Variants in KCTD16 observed in about 807,000 individuals in gnomAD.
KCTD16 encodes the protein BTB/POZ domain-containing protein KCTD16.
Under a neutral mutation model 33.2 loss-of-function variants are expected in KCTD16, and 13 were observed. The observed-to-expected ratio is 0.39, with a 90% confidence interval of 0.25 to 0.62. The LOEUF (loss-of-function observed/expected upper bound fraction) is 0.62. Ranked by LOEUF, KCTD16 falls within the 20% of genes least tolerant of loss-of-function variation. The pLI is 0.50. For missense variants in KCTD16, 441 were observed against 525.1 expected (o/e 0.84, Z 1.57); for synonymous variants, 197 against 195.3 (o/e 1.01, Z -0.07).
chr5:144,414,691 TC>T (rs1753007049), intron 3 of KCTD16, among the ~76,000 whole-genome samples: 1 of 152,246 alleles, frequency 6.6e-6, no homozygotes, highest in Admixed American at 6.5e-5. Context: ...TAGATATTTG[TC>T]ATTTTTGCTG....
At chr5:144,224,652 C>G (rs1753873872) in intron 3 of KCTD16, among the ~76,000 whole-genome samples, 1 of 152,104 alleles carries the variant, frequency 6.6e-6, no homozygotes, top group Non-Finnish European at 1.5e-5. Context: ...AACAAGTTTT[C>G]TTCCAAACAA....
rs573633372 is a variant in KCTD16, at chr5:144,187,170, AT to A, written c.-327+12707del. On this transcript the variant is annotated intron_variant, in intron 2 of 3. Coordinates refer to ENST00000512467, the MANE Select transcript of KCTD16 (RefSeq NM_020768.4). The stretch of plus-strand genomic sequence containing the variant: ...CAAATCTCATTTATTTCTTAGACTC[AT>A]TTTTTTTTCCAGATTATTAGCTACA... Among the ~76,000 whole-genome samples the A allele has an allele frequency of 7.4e-3, 1,128 of 151,558 alleles. 15 individuals are homozygous for A. The highest frequency in any genetic ancestry group is 0.022 in the African/African-American group (909 of 41,348).
At chr5:144,217,501 T>C (rs1238544980) in intron 3 of KCTD16, among the ~76,000 whole-genome samples, 2 of 152,200 alleles carry the variant, frequency 1.3e-5, no homozygotes, top group Admixed American at 1.3e-4. Flanking sequence ...GACAGAGGGG[T>C]AATAACGGAT....
chr5:144,207,442 G>A lies in KCTD16; in HGVS notation c.728G>A (p.Cys243Tyr). 6.2e-7 allele frequency: 1 copy of A among 1,614,228 alleles called. No homozygotes were observed. The highest frequency in any genetic ancestry group is 1.1e-5 in the South Asian group (1 of 91,084). ...AGGGCTTTTGATATGTTGTCAGAGT[G>A]TGGATTCCACATGGTGGCCTGTAAC... is the stretch of plus-strand genomic sequence containing the variant. ...LERAFDMLSE[C>Y]GFHMVACNSS... Residue 243 changes from cysteine (C) to tyrosine (Y), a missense_variant, in exon 3 of 4, where the codon TGT (cysteine) becomes TAT (tyrosine). Cys to Tyr is a radical substitution (Grantham distance 194). Transcript: ENST00000512467.
intron 3 of KCTD16, among the ~76,000 whole-genome samples, chr5:144,311,161 C>T (rs1479499314): frequency 6.6e-6 from 1 of 152,184 alleles, no homozygotes; most frequent in East Asian, 1.9e-4. Context: ...CCCTCTGAGA[C>T]TCAATTGTCC....
chr5:144,451,588 A>G (rs755834935), intron 3 of KCTD16, among the ~76,000 whole-genome samples: 10 of 152,206 alleles, frequency 6.6e-5, no homozygotes, highest in Non-Finnish European at 8.8e-5. Flanking sequence ...GAATTGTGAA[A>G]TAGAACGCAG....
chr5:144,299,167 A>G, intron 3 of KCTD16, among the ~76,000 whole-genome samples: 1 of 71,452 alleles, frequency 1.4e-5, no homozygotes, highest in Non-Finnish European at 2.8e-5. Context: ...TTTTTTTTTA[A>G]CCTGTCACTG....
intron 2 of KCTD16, chr5:144,205,402 A>AC (rs1753138361): frequency 2.5e-6 from 1 of 397,744 alleles, no homozygotes; most frequent in Non-Finnish European, 4.4e-6. Context: ...TCCGAACTGC[A>AC]CTGGGAACTG....
At chr5:144,451,460 T>G (rs1382711882) in intron 3 of KCTD16, among the ~76,000 whole-genome samples, 2 of 152,126 alleles carry the variant, frequency 1.3e-5, no homozygotes, top group Non-Finnish European at 2.9e-5. Flanking sequence ...CAAGACAGAA[T>G]GGCTAAGAAG....
rs750919219 is a variant in KCTD16 at position 144,206,794 on chromosome 5, T to C, written c.80T>C (p.Val27Ala). 1 of 1,614,096 alleles carries C rather than the reference T, an allele frequency of 6.2e-7. No homozygotes were observed. Among genetic ancestry groups the C allele is most frequent in the Admixed American group, 1.7e-5 (1 of 60,024 alleles). The change falls in exon 3 of 4, where the codon GTA becomes GCA. Residue 27 changes from valine (V) to alanine (A), a missense_variant. By Grantham distance (64) the Val-to-Ala change is moderately conservative (BLOSUM62 0). Coordinates refer to ENST00000512467, the MANE Select transcript of KCTD16 (RefSeq NM_020768.4). ...SAVPNSFPEV[V>A]ELNVGGQVYF... is the part of the protein sequence containing the mutation. ...GTTCCCAACTCCTTCCCTGAGGTGG[T>C]AGAGCTGAATGTCGGGGGTCAAGTT...
chr5:144,423,779 A>G (rs1753262245), intron 3 of KCTD16, among the ~76,000 whole-genome samples: 1 of 152,154 alleles, frequency 6.6e-6, no homozygotes, highest in Admixed American at 6.6e-5. Context: ...AGATTGGATG[A>G]GGAGGTAAGA....
chr5:144,290,150 C>G (rs1375594737), intron 3 of KCTD16, among the ~76,000 whole-genome samples: 1 of 151,934 alleles, frequency 6.6e-6, no homozygotes, highest in Admixed American at 6.6e-5. Context: ...CAAAAATTAT[C>G]CAGGCAAGGA....
intron 3 of KCTD16, among the ~76,000 whole-genome samples, chr5:144,243,416 T>C (rs560127864): frequency 6.6e-6 from 1 of 152,324 alleles, no homozygotes; most frequent in South Asian, 2.1e-4. Context: ...AATTCTATTA[T>C]CTCTTTGTAT....
intron 3 of KCTD16, among the ~76,000 whole-genome samples, chr5:144,408,177 G>A (rs1324565308): frequency 5.9e-5 from 9 of 152,198 alleles, no homozygotes; most frequent in African/African-American, 2.2e-4. Context: ...ACGTTATTAA[G>A]ATCTCAATTA....
intron 3 of KCTD16, among the ~76,000 whole-genome samples, chr5:144,215,548 T>C (rs1753538481): frequency 6.6e-6 from 1 of 152,224 alleles, no homozygotes; most frequent in Non-Finnish European, 1.5e-5. Context: ...GAATCTCAAC[T>C]TTGCTACCAC....
chr5:144,415,849 A>G (rs1249749009), intron 3 of KCTD16, among the ~76,000 whole-genome samples: 1 of 152,226 alleles, frequency 6.6e-6, no homozygotes, highest in Admixed American at 6.5e-5. Flanking sequence ...GAAGCTGCTA[A>G]TTCCATGATA....
At chr5:144,251,112 G>T (rs932043759) in intron 3 of KCTD16, among the ~76,000 whole-genome samples, 7 of 152,316 alleles carry the variant, frequency 4.6e-5, no homozygotes, top group Non-Finnish European at 8.8e-5. Context: ...TGGGATCTGT[G>T]TAGAGAAGTC....
chr5:144,337,948 T>TA (rs1021417260), intron 3 of KCTD16, among the ~76,000 whole-genome samples: 2 of 152,134 alleles, frequency 1.3e-5, no homozygotes, highest in African/African-American at 4.8e-5. Context: ...TGTGAATATT[T>TA]AAAAAATTGA....
chr5:144,268,389 T>G (rs1755205146), intron 3 of KCTD16, among the ~76,000 whole-genome samples: 1 of 152,188 alleles, frequency 6.6e-6, no homozygotes, highest in South Asian at 2.1e-4. Context: ...GCACCCTTTT[T>G]TTCTACCCCC....
Sources: allele counts gnomAD v4.1 joint callset (sites outside exome capture counted in the v4.1 genomes callset), GRCh38; gene constraint gnomAD v4.1.1; transcripts MANE v1.5; gene names NCBI Gene and HGNC (gene_info 2026-07-23, HGNC 2026-07-21).